Variants in TNRC6B observed in about 807,000 individuals in gnomAD.
The protein encoded by TNRC6B is trinucleotide repeat containing adaptor 6B.
Under a neutral mutation model 203.6 loss-of-function variants are expected in TNRC6B, and 52 were observed. The ratio of observed to expected loss-of-function variants is 0.26; its 90% CI spans 0.20 to 0.32. The LOEUF is 0.32. Among genes scored for constraint, TNRC6B ranks in the 10% least tolerant of loss-of-function variants. TNRC6B has a pLI of 1.00. For missense variants in TNRC6B, 1,923 were observed against 2,286.2 expected (o/e 0.84, Z 3.24); for synonymous variants, 838 against 845.7 (o/e 0.99, Z 0.16).
chr22:40,065,678 AT>A (rs2067889308), intron 1 of TNRC6B, among the ~76,000 whole-genome samples: 1 of 152,064 alleles, frequency 6.6e-6, no homozygotes, highest in Non-Finnish European at 1.5e-5. Flanking sequence ...CTCTGTAAAT[AT>A]TATTGAGCTT....
intron 1 of TNRC6B, among the ~76,000 whole-genome samples, chr22:40,072,263 A>G (rs1027377017): frequency 6.6e-6 from 1 of 152,242 alleles, no homozygotes; most frequent in Non-Finnish European, 1.5e-5. Context: ...AAAACAGCAT[A>G]TAATATATTT....
chr22:40,182,978 T>C (rs182591129), intron 1 of TNRC6B, among the ~76,000 whole-genome samples: 1 of 152,322 alleles, frequency 6.6e-6, no homozygotes, highest in Admixed American at 6.5e-5. Flanking sequence ...TCTGAAATTA[T>C]TTGTGTATGG....
rs527412074 is a variant in TNRC6B at position 40,324,275 on chromosome 22, G to A, written c.*1034G>A. ...AGCAGGAGGTACCTCTTGGAGCAAC[G>A]GTGTGTTTATTTCTGTTTTTTTTTT... On this transcript the variant is annotated 3_prime_UTR_variant, in exon 23 of 23. Transcript: ENST00000454349. The A allele has an allele frequency of 6.6e-5, 10 of 152,224 alleles. No individual in the cohort carries two copies. Among genetic ancestry groups the A allele is most frequent in the African/African-American group, 9.7e-5 (4 of 41,340 alleles). The allele number at this position is 152,224 out of a possible 1,614,324, so 9.4% of individuals were successfully genotyped here. A position where few individuals can be genotyped will look rare whatever the true frequency, so the allele number is the denominator to read the frequency against.
chr22:40,120,044 A>C (rs2068429417), intron 2 of TNRC6B, among the ~76,000 whole-genome samples: 1 of 152,234 alleles, frequency 6.6e-6, no homozygotes, highest in Non-Finnish European at 1.5e-5. Flanking sequence ...GGTTTTAATC[A>C]GGAAAGATTT....
At chr22:40,064,416 C>T (rs949052121) in intron 1 of TNRC6B, among the ~76,000 whole-genome samples, 45 of 151,320 alleles carry the variant, frequency 3.0e-4, no homozygotes, top group African/African-American at 1.0e-3. Flanking sequence ...AAGGAAGTTC[C>T]TTTTTACTCC....
chr22:40,075,045 C>T (rs1426570590), intron 1 of TNRC6B, among the ~76,000 whole-genome samples: 2 of 148,240 alleles, frequency 1.3e-5, no homozygotes, highest in Non-Finnish European at 3.0e-5. Flanking sequence ...GTGAATAGTT[C>T]TATGTGTACC....
At chr22:40,148,808 C>T (rs2068719636) in intron 3 of TNRC6B, among the ~76,000 whole-genome samples, 1 of 152,028 alleles carries the variant, frequency 6.6e-6, no homozygotes, top group Non-Finnish European at 1.5e-5. Context: ...GAACTTTGGA[C>T]ATAGAAACAC....
At chr22:40,180,399 C>CAGGGT (rs1329197339) in intron 1 of TNRC6B, among the ~76,000 whole-genome samples, 3 of 152,202 alleles carry the variant, frequency 2.0e-5, no homozygotes, top group Non-Finnish European at 4.4e-5. Context: ...GGAACCAGAG[C>CAGGGT]AGGGTACCTG....
chr22:40,303,046 CTTTTTTT>C (rs756951957), intron 15 of TNRC6B, among the ~76,000 whole-genome samples: 14 of 90,064 alleles, frequency 1.6e-4, no homozygotes, highest in Non-Finnish European at 2.6e-4. Context: ...TCTTCTTCTT[CTTTTTTT>C]TTTTTTTTTT....
At chr22:40,310,126 G>T (rs762234764) in intron 16 of TNRC6B, among the ~76,000 whole-genome samples, 19 of 152,218 alleles carry the variant, frequency 1.2e-4, no homozygotes, top group Admixed American at 8.5e-4. Context: ...TAAAATGCAT[G>T]ATGGGGGCAG....
In TNRC6B at chr22:40,098,406, AAAAG is replaced by A. The variant is rs1956369713; in HGVS notation, c.-120-18648_-120-18645del. ...TCTCAAAAAAAAAAAAAAAAAAAAA[AAAAG>A]GGAATTACTATATCAAAGAGATGCA... On this transcript the variant is annotated intron_variant, in intron 1 of 23. Coordinates refer to the TNRC6B transcript ENST00000301923. 2.6e-5 allele frequency among the ~76,000 whole-genome samples: 4 copies of A among 151,538 alleles called. No individual in the cohort carries two copies. In the South Asian group the frequency reaches 8.3e-4, roughly 32 times the overall value.
intron 1 of TNRC6B, among the ~76,000 whole-genome samples, chr22:40,222,526 A>G (rs1217614791): frequency 6.6e-6 from 1 of 152,140 alleles, no homozygotes; most frequent in African/African-American, 2.4e-5. Context: ...TGAACTCAGG[A>G]CAGCATTCCA....
intron 15 of TNRC6B, among the ~76,000 whole-genome samples, chr22:40,304,430 C>A (rs941627963): frequency 6.6e-6 from 1 of 152,044 alleles, no homozygotes; most frequent in Non-Finnish European, 1.5e-5. Flanking sequence ...AGAAAGAATA[C>A]CTAATTGAAT....
At chr22:40,306,644 C>G (rs1601510144) in intron 15 of TNRC6B, among the ~76,000 whole-genome samples, 1 of 151,986 alleles carries the variant, frequency 6.6e-6, no homozygotes, top group East Asian at 1.9e-4. Context: ...TTTCTGCTAC[C>G]CAGGATGAAA....
chr22:40,172,427 C>A (rs2069010315), intron 4 of TNRC6B, among the ~76,000 whole-genome samples: 1 of 152,192 alleles, frequency 6.6e-6, no homozygotes, highest in Non-Finnish European at 1.5e-5. Context: ...ATTTATTGAA[C>A]AAATGAAGAT....
At chr22:40,173,651 T>G (rs2146371009), upstream of TNRC6B, among the ~76,000 whole-genome samples, 1 of 150,032 alleles carries the variant, frequency 6.7e-6, no homozygotes, top group Non-Finnish European at 1.5e-5. Context: ...TGGGCTCAAG[T>G]AAACCTCTAA....
At chr22:40,055,205 G>T (rs191151783) in intron 1 of TNRC6B, among the ~76,000 whole-genome samples, 1 of 152,162 alleles carries the variant, frequency 6.6e-6, no homozygotes, top group Non-Finnish European at 1.5e-5. Flanking sequence ...AGACAGATGT[G>T]GACACAGATG....
At chr22:40,247,074 G>T (rs1166668961) in intron 2 of TNRC6B, among the ~76,000 whole-genome samples, 1 of 152,148 alleles carries the variant, frequency 6.6e-6, no homozygotes, top group African/African-American at 2.4e-5. Context: ...ATGCCCCTCT[G>T]CCCTGTCTGT....
intron 19 of TNRC6B, among the ~76,000 whole-genome samples, chr22:40,313,831 G>A (rs982291957): frequency 6.6e-6 from 1 of 152,106 alleles, no homozygotes; most frequent in African/African-American, 2.4e-5. Context: ...AACCTTCCAC[G>A]TTAATTTTTA....
Sources: allele counts gnomAD v4.1 joint callset (sites outside exome capture counted in the v4.1 genomes callset), GRCh38; gene constraint gnomAD v4.1.1; transcripts MANE v1.5; gene names NCBI Gene and HGNC (gene_info 2026-07-23, HGNC 2026-07-21).